Variants in TTLL1 observed in about 807,000 individuals in gnomAD.
TTLL1 encodes the protein TTL family tubulin polyglutamylase complex subunit L1.
Under a neutral mutation model 47.8 loss-of-function variants are expected in TTLL1, and 33 were observed. The observed-to-expected ratio is 0.69, with a 90% confidence interval of 0.52 to 0.92. The LOEUF (loss-of-function observed/expected upper bound fraction) is 0.92. TTLL1 is among the 40% of genes least tolerant of loss of function. TTLL1 has a pLI of 0.00. For missense variants in TTLL1, 488 were observed against 547.5 expected (o/e 0.89, Z 1.08); for synonymous variants, 225 against 214.1 (o/e 1.05, Z -0.45).
intron 3 of TTLL1, 145 bp from the exon 4 acceptor site, chr22:43,069,989 G>A (rs1228122511): frequency 8.1e-6 from 11 of 1,363,484 alleles, no homozygotes; most frequent in African/African-American, 2.9e-5. Flanking sequence ...GGGGTTGCCC[G>A]GCCCACAGCA....
At chr22:43,045,288 C>T (rs892250192) in intron 10 of TTLL1, among the ~76,000 whole-genome samples, 4 of 152,128 alleles carry the variant, frequency 2.6e-5, no homozygotes, top group Non-Finnish European at 5.9e-5. Context: ...GCCACGGAAC[C>T]GCTCTAAGCC....
Position 43,066,391 on chromosome 22 carries a change from C to T in TTLL1, c.503+2019G>A, listed in dbSNP as rs1396281696. On this transcript the variant is annotated intron_variant, in intron 5 of 10. Coordinates refer to ENST00000266254, the MANE Select transcript of TTLL1 (RefSeq NM_012263.5). ...CCAGGAGTCCACTCAGGGAAATGCT[C>T]CTCGGGCCTGGCCATCTGGGGGCTA... Among the ~76,000 whole-genome samples the T allele has an allele frequency of 2.0e-5, 3 of 151,802 alleles. No homozygotes were observed. In the East Asian group the frequency reaches 5.8e-4, roughly 29 times the overall value.
Position 43,059,762 on chromosome 22 carries a change from G to A in TTLL1, c.748-235C>T, listed in dbSNP as rs377224040. The stretch of plus-strand genomic sequence containing the variant: ...TGGAGTGCGGTGGCATTACTTTGGT[G>A]CACTGCAACCTTGACCTCTTGAGCT... On this transcript the variant is annotated intron_variant, in intron 7 of 10. Coordinates refer to ENST00000266254, the MANE Select transcript of TTLL1 (RefSeq NM_012263.5). Among the ~76,000 whole-genome samples the A allele has an allele frequency of 7.2e-5, 11 of 151,810 alleles. No individual in the cohort carries two copies. In the East Asian group the frequency reaches 1.4e-3, roughly 19 times the overall value.
At chr22:43,063,981 T>C in intron 6 of TTLL1, 60 bp from the exon 7 acceptor site, 1 of 1,560,268 alleles carries the variant, frequency 6.4e-7, no homozygotes, top group African/African-American at 1.4e-5. Context: ...AAGACACCAC[T>C]TCATTCTCTA....
chr22:43,066,427 A>T (rs1927741158), intron 5 of TTLL1, among the ~76,000 whole-genome samples: 1 of 151,892 alleles, frequency 6.6e-6, no homozygotes, highest in Non-Finnish European at 1.5e-5. Flanking sequence ...GCAAAGTGTA[A>T]TTAGATTTAA....
chr22:43,075,510 A>G lies in TTLL1; in HGVS notation c.77T>C (p.Val26Ala). 1.2e-6 allele frequency: 2 copies of G among 1,614,086 alleles called. No individual in the cohort carries two copies. Among genetic ancestry groups the G allele is most frequent in the South Asian group, 2.2e-5 (2 of 91,072 alleles). Residue 26 changes from valine (V) to alanine (A), a missense_variant, in exon 3 of 11, where the codon GTC becomes GCC. Coordinates refer to ENST00000266254, the MANE Select transcript of TTLL1 (RefSeq NM_012263.5). The part of the protein sequence containing the change: ...LINNFEKRGW[V>A]QVTENEDWNF... ...CCAGTCCTCGTTTTCTGTCACTTGG[A>G]CCCATCCTCTCTTTTCAAAGTTATT...
rs750173705 is a variant in TTLL1 at position 43,064,270 on chromosome 22, G to A, written c.558C>T (p.Asn186=). 1 of 1,614,056 alleles carries A rather than the reference G, an allele frequency of 6.2e-7. No homozygotes were observed. The highest frequency in any genetic ancestry group is 1.3e-5 in the African/African-American group (1 of 74,940). The stretch of plus-strand genomic sequence containing the variant: ...ACTTCCTCCCGCCAATTAGTAACGG[G>A]TTGTTAATATAGAGAGAGATCACGT... ...EAYVISLYIN[N]PLLIGGRKFD... Residue 186 remains asparagine (N), a synonymous_variant, in exon 6 of 11, where the codon AAC becomes AAT. Transcript: ENST00000266254.
At chr22:43,075,353 G>T in intron 3 of TTLL1, 121 bp downstream of exon 3, 1 of 804,376 alleles carries the variant, frequency 1.2e-6, no homozygotes, top group South Asian at 1.6e-5. Context: ...AAATGTGTGC[G>T]GGGAGATGGC....
At chr22:43,081,321 C>T (rs1245202124) in intron 1 of TTLL1, among the ~76,000 whole-genome samples, 1 of 152,104 alleles carries the variant, frequency 6.6e-6, no homozygotes, top group East Asian at 1.9e-4. Flanking sequence ...AGGCAAGGCC[C>T]TCAGTAAATA....
chr22:43,074,918 G>A (rs1261730165), intron 3 of TTLL1, among the ~76,000 whole-genome samples: 1 of 152,040 alleles, frequency 6.6e-6, no homozygotes, highest in Non-Finnish European at 1.5e-5. Context: ...GCTTAGACCT[G>A]TAATCCCAGC....
chr22:43,043,731 A>AC (rs1295129207), intron 10 of TTLL1, among the ~76,000 whole-genome samples: 1 of 148,256 alleles, frequency 6.7e-6, no homozygotes, highest in Non-Finnish European at 1.5e-5. Flanking sequence ...TTTCTCTCCC[A>AC]CCCCCCATAC....
intron 10 of TTLL1, 45 bp from the exon 11 acceptor site, chr22:43,039,950 G>A: frequency 6.3e-7 from 1 of 1,594,524 alleles, no homozygotes; most frequent in Non-Finnish European, 8.6e-7. Context: ...CTCTTTCAAA[G>A]GCAACAGGCA....
At chr22:43,072,882 G>A (rs1928219886) in intron 3 of TTLL1, among the ~76,000 whole-genome samples, 2 of 152,056 alleles carry the variant, frequency 1.3e-5, no homozygotes, top group Non-Finnish European at 2.9e-5. Flanking sequence ...CTGTGCCCAA[G>A]AGTTCTATGC....
intron 4 of TTLL1, among the ~76,000 whole-genome samples, chr22:43,069,335 T>C (rs1361511935): frequency 1.4e-5 from 2 of 143,438 alleles, no homozygotes; most frequent in African/African-American, 5.3e-5. Context: ...GAGGTTGCAG[T>C]GAGCTGAGAT....
chr22:43,069,220 CAAAA>C (rs66913313), intron 4 of TTLL1, among the ~76,000 whole-genome samples: 57 of 80,392 alleles, frequency 7.1e-4, no homozygotes, highest in African/African-American at 1.8e-3. Flanking sequence ...ACTAAAAATA[CAAAA>C]AAAAAAAAAA....
chr22:43,059,239 CCG>C, intron 8 of TTLL1, 143 bp downstream of exon 8: 1 of 1,177,336 alleles, frequency 8.5e-7, no homozygotes, highest in South Asian at 1.5e-5. Context: ...GGTGATCCGC[CCG>C]CCTCGGCCTC....
intron 7 of TTLL1, among the ~76,000 whole-genome samples, chr22:43,061,856 A>G (rs10427606): frequency 0.084 from 12,842 of 152,094 alleles, 991 homozygotes; most frequent in East Asian, 0.28. Flanking sequence ...ATCCCTACTC[A>G]TGCTTCAGAT....
intron 9 of TTLL1, 31 bp downstream of exon 9, chr22:43,051,770 T>C: frequency 6.2e-7 from 1 of 1,607,240 alleles, no homozygotes; most frequent in Non-Finnish European, 8.5e-7. Context: ...CTATGTGTGG[T>C]GTGACCAGGT....
Position 43,064,097 on chromosome 22 carries a change from ACT to A in TTLL1, c.638+91_638+92del, listed in dbSNP as rs1049889318. 4.5e-6 allele frequency: 7 copies of A among 1,557,696 alleles called. No homozygotes were observed. The African/African-American group carries it at 9.6e-5, about 21-fold the overall frequency. On this transcript the variant is annotated intron_variant, in intron 6 of 10. Coordinates refer to ENST00000266254, the MANE Select transcript of TTLL1 (RefSeq NM_012263.5). ...GCCCCGTGCCAGGCACCGCACATGC[ACT>A]GTTTTATGAAACCTCACAATGGTGC... is the stretch of plus-strand genomic sequence containing the variant.
Sources: gnomAD v4.1 joint callset for allele counts (sites outside exome capture counted in the v4.1 genomes callset) on GRCh38, gnomAD v4.1.1 for gene constraint, MANE v1.5 for transcripts, NCBI Gene and HGNC (gene_info 2026-07-23, HGNC 2026-07-21) for gene names.